The following CNBD1 variants were observed in gnomAD, a reference collection of about 807,000 sequenced individuals.
CNBD1 encodes cyclic nucleotide-binding domain-containing protein 1.
A neutral mutation model predicts 54.4 loss-of-function variants in CNBD1; 71 were observed. That is an observed-to-expected ratio of 1.30 (90% confidence interval 1.08 to 1.59). The LOEUF (loss-of-function observed/expected upper bound fraction) is 1.59. Among genes scored for constraint, CNBD1 ranks in the 40% most tolerant of loss-of-function variants. The pLI is 0.00. For missense variants in CNBD1, 659 were observed against 518.0 expected, an observed-to-expected ratio of 1.27 and a Z score of -2.64; for synonymous variants, 182 against 170.7, an observed-to-expected ratio of 1.07 and a Z score of -0.51.
intron 4 of CNBD1, among the ~76,000 whole-genome samples, chr8:86,991,471 G>A (rs189795590): frequency 6.6e-6 from 1 of 151,726 alleles, no homozygotes. Flanking sequence ...ACCACCCTTG[G>A]TTTCATTGAT....
At chr8:86,923,767 A>T (rs966847332) in intron 3 of CNBD1, among the ~76,000 whole-genome samples, 1 of 152,164 alleles carries the variant, frequency 6.6e-6, no homozygotes, top group Admixed American at 6.6e-5. Flanking sequence ...TATTAGGAAA[A>T]GTTGGATTCA....
At chr8:86,928,054 T>G (rs1184398485) in intron 3 of CNBD1, among the ~76,000 whole-genome samples, 1 of 152,084 alleles carries the variant, frequency 6.6e-6, no homozygotes, top group Non-Finnish European at 1.5e-5. Flanking sequence ...TTCCCACAAG[T>G]AATCCATAGA....
At chr8:86,881,587 T>C (rs1400295320) in intron 1 of CNBD1, among the ~76,000 whole-genome samples, 1 of 152,294 alleles carries the variant, frequency 6.6e-6, no homozygotes, top group South Asian at 2.1e-4. Context: ...AAAATGGCCA[T>C]CTGCCCAAAG....
intron 4 of CNBD1, among the ~76,000 whole-genome samples, chr8:87,087,405 T>G (rs1187456004): frequency 6.6e-6 from 1 of 150,710 alleles, no homozygotes; most frequent in Non-Finnish European, 1.5e-5. Context: ...TGAGAAAGCA[T>G]TTTGTTGAAG....
At chr8:87,196,133 G>A (rs1237543119) in intron 4 of CNBD1, among the ~76,000 whole-genome samples, 5 of 152,106 alleles carry the variant, frequency 3.3e-5, no homozygotes, top group African/African-American at 1.2e-4. Flanking sequence ...ATTTGGGGTG[G>A]AGTAACTCTG....
At chr8:87,391,152 T>A (rs1486121045) in intron 2 of CNBD1, among the ~76,000 whole-genome samples, 1 of 151,964 alleles carries the variant, frequency 6.6e-6, no homozygotes, top group Non-Finnish European at 1.5e-5. Flanking sequence ...AATGAAGAGA[T>A]AATTGGTGCA....
Position 87,273,220 on chromosome 8 carries a change from A to G in CNBD1, c.772-11458A>G, listed in dbSNP as rs116738172. Among the ~76,000 whole-genome samples, 930 of 152,116 alleles carry G rather than the reference A, an allele frequency of 6.1e-3. 9 individuals are homozygous for G. Among genetic ancestry groups the G allele is most frequent in the African/African-American group, 0.021 (872 of 41,540 alleles). On this transcript the variant is annotated intron_variant, in intron 6 of 10. Transcript: ENST00000518476. ...AAATATAGCTCAAATTATTTTATTA[A>G]TTGGTTTAATTTTTAAAATATATAT...
At chr8:87,260,679 G>T (rs1232764708) in intron 6 of CNBD1, among the ~76,000 whole-genome samples, 1 of 151,936 alleles carries the variant, frequency 6.6e-6, no homozygotes, top group Non-Finnish European at 1.5e-5. Context: ...CGGCCCTAGT[G>T]ACCCAGCTCA....
intron 10 of CNBD1, among the ~76,000 whole-genome samples, chr8:87,369,514 C>A (rs1810715607): frequency 6.6e-6 from 1 of 151,972 alleles, no homozygotes; most frequent in South Asian, 2.1e-4. Context: ...TTCTCTCAGT[C>A]TTTATTTATC....
chr8:87,415,311 A>AAC (rs141331261), intron 2 of CNBD1, among the ~76,000 whole-genome samples: 2,757 of 152,132 alleles, frequency 0.018, 80 homozygotes, highest in African/African-American at 0.06. Flanking sequence ...TTGTATTATT[A>AAC]AGAGTCCTAA....
At chr8:87,162,552 T>C (rs1417215773) in intron 4 of CNBD1, among the ~76,000 whole-genome samples, 1 of 152,112 alleles carries the variant, frequency 6.6e-6, no homozygotes, top group Non-Finnish European at 1.5e-5. Flanking sequence ...AGGTTTTGGA[T>C]TTAATAAGAG....
At chr8:87,383,826 A>C (rs13265042), downstream of CNBD1, among the ~76,000 whole-genome samples, 1 of 151,850 alleles carries the variant, frequency 6.6e-6, no homozygotes, top group Non-Finnish European at 1.5e-5. Flanking sequence ...CTTCTCCAGC[A>C]CCATGCTCCA....
intron 2 of CNBD1, among the ~76,000 whole-genome samples, chr8:87,409,156 T>A (rs1320340398): frequency 6.6e-6 from 1 of 152,170 alleles, no homozygotes; most frequent in African/African-American, 2.4e-5. Flanking sequence ...ATGTTTTGAA[T>A]GCAAAGGAGA....
At chr8:87,396,429 C>T (rs908410076) in intron 2 of CNBD1, among the ~76,000 whole-genome samples, 3 of 151,886 alleles carry the variant, frequency 2.0e-5, no homozygotes, top group Non-Finnish European at 4.4e-5. Flanking sequence ...GCTGCTTTTG[C>T]TGGTGGTGCC....
At chr8:87,105,503 T>C (rs1368707512) in intron 4 of CNBD1, among the ~76,000 whole-genome samples, 1 of 152,200 alleles carries the variant, frequency 6.6e-6, no homozygotes, top group Admixed American at 6.5e-5. Flanking sequence ...ATCCTGGATG[T>C]CATACTTTTT....
At chr8:86,945,566 G>GAT (rs1807447099) in intron 4 of CNBD1, among the ~76,000 whole-genome samples, 1 of 152,126 alleles carries the variant, frequency 6.6e-6, no homozygotes, top group East Asian at 1.9e-4. Context: ...CACTTTGTGG[G>GAT]GCTATTAATT....
chr8:87,067,920 A>C (rs931021411), intron 4 of CNBD1, among the ~76,000 whole-genome samples: 21 of 151,988 alleles, frequency 1.4e-4, no homozygotes, highest in African/African-American at 5.1e-4. Context: ...TTGACCTAAG[A>C]GTAGTTAGCA....
chr8:87,108,136 A>T (rs1811580208), intron 4 of CNBD1, among the ~76,000 whole-genome samples: 1 of 152,096 alleles, frequency 6.6e-6, no homozygotes, highest in South Asian at 2.1e-4. Context: ...GTATATCAAG[A>T]GTTTATTTGT....
At chr8:87,076,540 T>C (rs1030025957) in intron 4 of CNBD1, among the ~76,000 whole-genome samples, 2 of 152,078 alleles carry the variant, frequency 1.3e-5, no homozygotes, top group Non-Finnish European at 2.9e-5. Flanking sequence ...CCTCCTGGGT[T>C]CAAGCGATTC....
Sources: gnomAD v4.1 joint callset for allele counts (sites outside exome capture counted in the v4.1 genomes callset) on GRCh38, gnomAD v4.1.1 for gene constraint, MANE v1.5 for transcripts, NCBI Gene and HGNC (gene_info 2026-07-23, HGNC 2026-07-21) for gene names.